The following VAV2 variants were observed in gnomAD, a reference collection of about 807,000 sequenced individuals.
The protein encoded by VAV2 is guanine nucleotide exchange factor VAV2.
In VAV2, 67 loss-of-function variants were observed where a neutral mutation model predicts 132.5. The ratio of observed to expected loss-of-function variants is 0.51; its 90% confidence interval spans 0.42 to 0.62. The LOEUF (loss-of-function observed/expected upper bound fraction) is 0.62, where lower values mean the gene tolerates loss of function less well. VAV2 is among the 20% of genes least tolerant of loss of function. VAV2 has a pLI of 0.00. For missense variants in VAV2, 938 were observed against 1,153.6 expected, an observed-to-expected ratio of 0.81 and a Z score of 2.71; for synonymous variants, 492 against 443.5, an observed-to-expected ratio of 1.11 and a Z score of -1.37.
intron 4 of VAV2, among the ~76,000 whole-genome samples, chr9:133,820,934 C>G (rs973750401): frequency 6.9e-6 from 1 of 144,832 alleles, no homozygotes; most frequent in Non-Finnish European, 1.5e-5. Flanking sequence ...ACGCGGCACA[C>G]GGAACCAGAG....
chr9:133,763,727 C>G lies in VAV2; in HGVS notation c.*335G>C, dbSNP rs2131552418. The G allele has an allele frequency of 2.9e-6, 1 of 343,502 alleles. No individual in the cohort carries two copies. The highest frequency in any genetic ancestry group is 3.4e-5 in the South Asian group (1 of 29,540). 21.3% of individuals were successfully genotyped at this position (343,502 alleles called of 1,614,324 possible). On this transcript the variant is annotated 3_prime_UTR_variant, in exon 30 of 30. Transcript: ENST00000371850. This position sits in a 1 kb window ranked among gnomAD's most constrained non-coding sequence, Gnocchi z 6.8. ...TCAAACCTAGGCTCCTGAAGGCCATCTCAGTTGGACAGGGGCAGGCGATGG... is the reference window on the plus strand; with the variant it reads ...TCAAACCTAGGCTCCTGAAGGCCATGTCAGTTGGACAGGGGCAGGCGATGG...
intron 2 of VAV2, among the ~76,000 whole-genome samples, chr9:133,936,636 G>T (rs1840920739): frequency 6.6e-6 from 1 of 152,182 alleles, no homozygotes; most frequent in Non-Finnish European, 1.5e-5. Flanking sequence ...TAAGCGACCG[G>T]TGGGGGGCGG....
intron 1 of VAV2, among the ~76,000 whole-genome samples, chr9:133,963,260 G>A (rs77864392): frequency 8.5e-5 from 13 of 152,116 alleles, no homozygotes; most frequent in Non-Finnish European, 1.2e-4. Context: ...ATCAGGGATC[G>A]GAGCCCTCAG....
chr9:133,937,833 A>G (rs1299830269), intron 2 of VAV2, among the ~76,000 whole-genome samples: 2 of 152,178 alleles, frequency 1.3e-5, no homozygotes, highest in African/African-American at 4.8e-5. Flanking sequence ...GCGCTGCTGC[A>G]GGGAGGGGGC....
intron 1 of VAV2, among the ~76,000 whole-genome samples, chr9:133,945,483 G>A (rs1841326316): frequency 6.6e-6 from 1 of 152,246 alleles, no homozygotes; most frequent in Non-Finnish European, 1.5e-5. Context: ...TGCTCCGTCA[G>A]ATGTGGAAAT....
At position 133,926,471 on chromosome 9, in the gene VAV2, G is replaced by C. The variant is rs1025397990; in HGVS notation, c.321+12632C>G. The C allele has an allele frequency of 6.6e-6, 1 of 152,368 alleles. No homozygotes were observed. Among genetic ancestry groups the C allele is most frequent in the African/African-American group, 2.4e-5 (1 of 41,436 alleles). The allele number at this position is 152,368 out of a possible 1,614,324, so 9.4% of individuals were successfully genotyped here. A position where few individuals can be genotyped will look rare whatever the true frequency, so the allele number is the denominator to read the frequency against. ...GTGGGTCTCCCTTCTGAAAACCCCA[G>C]GATAGCACCCCAAATCTCTCTGGTA... On this transcript the variant is annotated intron_variant, in intron 2 of 29. Coordinates refer to ENST00000371850, the MANE Select transcript of VAV2 (RefSeq NM_001134398.2). This position sits in a 1 kb window ranked among gnomAD's most constrained non-coding sequence, Gnocchi z 4.3.
At chr9:133,868,108 C>G (rs1439012554) in intron 2 of VAV2, among the ~76,000 whole-genome samples, 2 of 152,230 alleles carry the variant, frequency 1.3e-5, no homozygotes, top group Admixed American at 1.3e-4. Flanking sequence ...TAAAAGTCCC[C>G]TTCATCTTGA....
At chr9:133,984,203 A>C (rs1182957663) in intron 1 of VAV2, among the ~76,000 whole-genome samples, 1 of 152,054 alleles carries the variant, frequency 6.6e-6, no homozygotes, top group Non-Finnish European at 1.5e-5. Context: ...CAAAATCCTG[A>C]CCTCAGGTGA....
intron 4 of VAV2, among the ~76,000 whole-genome samples, chr9:133,822,108 A>C (rs1212515513): frequency 6.6e-6 from 1 of 152,138 alleles, no homozygotes; most frequent in African/African-American, 2.4e-5. Context: ...ACCTGCCCCG[A>C]TTCTGTTACA....
In VAV2 at chr9:133,935,418, C is replaced by G. The variant is rs920409256; in HGVS notation, c.321+3685G>C. 2.0e-5 allele frequency among the ~76,000 whole-genome samples: 3 copies of G among 152,150 alleles called. No individual in the cohort carries two copies. Among genetic ancestry groups the G allele is most frequent in the African/African-American group, 7.2e-5 (3 of 41,428 alleles). On this transcript the variant is annotated intron_variant, in intron 2 of 29. Transcript: ENST00000371850. The surrounding 1 kb of genome is among the most constrained non-coding windows in gnomAD (Gnocchi z 5.2). ...CCTTGTGGTCAACAAGCTGGGAGTC[C>G]GGGAGGCCAGAGACCAGCAGCCTCG...
intron 3 of VAV2, among the ~76,000 whole-genome samples, chr9:133,838,596 T>G (rs1588248877): frequency 7.3e-6 from 1 of 136,460 alleles, no homozygotes; most frequent in African/African-American, 2.8e-5. Flanking sequence ...AATGGGTGGG[T>G]GGATGGATGG....
chr9:133,839,985 C>T (rs1485702986), intron 3 of VAV2, among the ~76,000 whole-genome samples: 1 of 152,184 alleles, frequency 6.6e-6, no homozygotes, highest in Non-Finnish European at 1.5e-5. Flanking sequence ...CTCCACCCCC[C>T]ACTCCCCGCC....
intron 2 of VAV2, among the ~76,000 whole-genome samples, chr9:133,900,726 C>T (rs10821535): frequency 0.15 from 22,842 of 151,758 alleles, 1,875 homozygotes; most frequent in South Asian, 0.2. Flanking sequence ...TGTTCAATCG[C>T]CTTGCCTTTT....
intron 1 of VAV2, among the ~76,000 whole-genome samples, chr9:133,984,725 T>C (rs1842797436): frequency 6.6e-6 from 1 of 152,114 alleles, no homozygotes; most frequent in Non-Finnish European, 1.5e-5. Flanking sequence ...ATGGCCAACG[T>C]GTCGAAGCCT....
intron 3 of VAV2, among the ~76,000 whole-genome samples, chr9:133,841,412 T>C (rs1836718984): frequency 6.6e-6 from 1 of 151,928 alleles, no homozygotes; most frequent in Non-Finnish European, 1.5e-5. Context: ...CATGCAGAGC[T>C]CGTGGCCACT....
At position 133,946,261 on chromosome 9, in the gene VAV2, G is replaced by A. The variant is rs116473573; in HGVS notation, c.205-7042C>T. On this transcript the variant is annotated intron_variant, in intron 1 of 29. Coordinates refer to ENST00000371850, the MANE Select transcript of VAV2 (RefSeq NM_001134398.2). ...CTGGGGGAGGGACACAGGCCGACAA[G>A]GGACTTCTGGGGCCTGGCCTCAGGC... 3.0e-3 allele frequency among the ~76,000 whole-genome samples: 453 copies of A among 152,318 alleles called. 2 individuals are homozygous for A. The highest frequency in any genetic ancestry group is 0.01 in the African/African-American group (425 of 41,578).
chr9:133,901,032 T>C (rs936889816), intron 2 of VAV2, among the ~76,000 whole-genome samples: 1 of 152,006 alleles, frequency 6.6e-6, no homozygotes, highest in African/African-American at 2.4e-5. Flanking sequence ...ACTCCTGACC[T>C]CAGGTGATCT....
chr9:133,972,182 CAT>C (rs928779948), intron 1 of VAV2, among the ~76,000 whole-genome samples: 7 of 152,244 alleles, frequency 4.6e-5, no homozygotes, highest in East Asian at 3.8e-4. Flanking sequence ...AAAACACACA[CAT>C]GACTGCTTCG....
At chr9:133,975,649 C>T (rs1355973262) in intron 1 of VAV2, among the ~76,000 whole-genome samples, 1 of 152,240 alleles carries the variant, frequency 6.6e-6, no homozygotes, top group Non-Finnish European at 1.5e-5. Flanking sequence ...CTCTGAGCCC[C>T]CAGCCTGCCT....
Sources: gnomAD v4.1 joint callset for allele counts (sites outside exome capture counted in the v4.1 genomes callset) on GRCh38, gnomAD v4.1.1 for gene constraint, Gnocchi (gnomAD v3.1) non-coding constraint, MANE v1.5 for transcripts, NCBI Gene and HGNC (gene_info 2026-07-23, HGNC 2026-07-21) for gene names.